PTPRM: variants seen among roughly 807,000 people sequenced by gnomAD.
PTPRM encodes receptor-type tyrosine-protein phosphatase mu.
PTPRM carries 47 observed loss-of-function variants against 186.7 expected under a neutral mutation model. That is an observed-to-expected ratio of 0.25 (90% confidence interval 0.20 to 0.32). The LOEUF (loss-of-function observed/expected upper bound fraction) is 0.32. Ranked by LOEUF, PTPRM falls within the 10% of genes least tolerant of loss-of-function variation. The pLI is 1.00. For missense variants in PTPRM, 1,494 were observed against 1,865.0 expected (o/e 0.80, Z 3.66); for synonymous variants, 668 against 674.9 (o/e 0.99, Z 0.16).
intron 7 of PTPRM, among the ~76,000 whole-genome samples, chr18:8,032,169 C>G (rs1307399798): frequency 1.3e-5 from 2 of 152,028 alleles, no homozygotes; most frequent in East Asian, 3.9e-4. Flanking sequence ...ATGTAAAAAC[C>G]AGTAACTCTG....
intron 19 of PTPRM, among the ~76,000 whole-genome samples, chr18:8,268,026 A>G (rs771765784): frequency 3.4e-4 from 51 of 152,142 alleles, no homozygotes; most frequent in Non-Finnish European, 5.9e-4. Context: ...TTCTGTAGAA[A>G]CATGTTGTTA....
At chr18:8,385,397 G>A (rs576316007) in intron 30 of PTPRM, among the ~76,000 whole-genome samples, 1 of 152,234 alleles carries the variant, frequency 6.6e-6, no homozygotes, top group South Asian at 2.1e-4. Context: ...AAGTACTGGG[G>A]TTAGAAAGTG....
intron 14 of PTPRM, among the ~76,000 whole-genome samples, chr18:8,204,441 A>G (rs189342792): frequency 1.6e-4 from 24 of 152,264 alleles, no homozygotes; most frequent in African/African-American, 5.8e-4. Context: ...AAATATAAAT[A>G]GAAGGAAGAT....
At chr18:8,198,984 C>A (rs2093816692) in intron 14 of PTPRM, among the ~76,000 whole-genome samples, 1 of 152,040 alleles carries the variant, frequency 6.6e-6, no homozygotes, top group Admixed American at 6.5e-5. Flanking sequence ...GAGGAGGAGG[C>A]TGGCCAGACC....
At chr18:8,355,387 G>A (rs1452360810) in intron 23 of PTPRM, among the ~76,000 whole-genome samples, 1 of 152,134 alleles carries the variant, frequency 6.6e-6, no homozygotes, top group Non-Finnish European at 1.5e-5. Flanking sequence ...AGGTGTTCCA[G>A]GCAGAGGCAA....
intron 1 of PTPRM, among the ~76,000 whole-genome samples, chr18:7,734,174 A>G (rs1313855514): frequency 6.6e-6 from 1 of 152,218 alleles, no homozygotes; most frequent in Non-Finnish European, 1.5e-5. Context: ...CAGAGGACAA[A>G]TGAGTAATCT....
intron 19 of PTPRM, among the ~76,000 whole-genome samples, chr18:8,282,154 CAAAT>C (rs2094910746): frequency 1.3e-5 from 2 of 151,900 alleles, no homozygotes; most frequent in Admixed American, 1.3e-4. Context: ...GTACAGATGA[CAAAT>C]AAACACATGA....
chr18:8,200,988 T>C (rs944878762), intron 14 of PTPRM, among the ~76,000 whole-genome samples: 4 of 152,196 alleles, frequency 2.6e-5, no homozygotes, highest in African/African-American at 9.6e-5. Context: ...TTAATTAATA[T>C]GATTAATAAT....
At chr18:8,294,203 G>A (rs2095070396) in intron 19 of PTPRM, among the ~76,000 whole-genome samples, 1 of 152,166 alleles carries the variant, frequency 6.6e-6, no homozygotes, top group African/African-American at 2.4e-5. Flanking sequence ...AGTGAGCTGA[G>A]ATCGTGCCAC....
At chr18:8,129,931 C>A (rs1252289026) in intron 13 of PTPRM, among the ~76,000 whole-genome samples, 1 of 152,098 alleles carries the variant, frequency 6.6e-6, no homozygotes, top group East Asian at 1.9e-4. Context: ...AAGCACAGTC[C>A]TTAGAGGAGA....
At chr18:7,632,431 T>G (rs1567994674) in intron 1 of PTPRM, among the ~76,000 whole-genome samples, 1 of 152,254 alleles carries the variant, frequency 6.6e-6, no homozygotes, top group Non-Finnish European at 1.5e-5. Flanking sequence ...AGTCTGTGTT[T>G]CTACTCTTTT....
intron 1 of PTPRM, among the ~76,000 whole-genome samples, chr18:7,653,359 C>T (rs909183176): frequency 6.6e-6 from 1 of 152,000 alleles, no homozygotes; most frequent in Non-Finnish European, 1.5e-5. Context: ...ACGTGTATAG[C>T]TTTGTTATAT....
chr18:8,024,005 A>G (rs1222026037), intron 7 of PTPRM, among the ~76,000 whole-genome samples: 1 of 152,084 alleles, frequency 6.6e-6, no homozygotes, highest in Non-Finnish European at 1.5e-5. Flanking sequence ...ATTATTATGT[A>G]CTTATTTTTT....
chr18:7,660,706 G>T (rs2038959036), intron 1 of PTPRM, among the ~76,000 whole-genome samples: 1 of 152,164 alleles, frequency 6.6e-6, no homozygotes, highest in Non-Finnish European at 1.5e-5. Context: ...ACAGCCTCCA[G>T]AGCCACAGTG....
intron 4 of PTPRM, 35 bp from the exon 5 acceptor site, chr18:7,926,533 A>G: frequency 6.6e-7 from 1 of 1,507,752 alleles, no homozygotes; most frequent in South Asian, 1.2e-5. Flanking sequence ...ACAAATCTCC[A>G]CTTTTAATAT....
At chr18:7,907,564 A>G (rs187958451) in intron 4 of PTPRM, among the ~76,000 whole-genome samples, 1 of 152,188 alleles carries the variant, frequency 6.6e-6, no homozygotes, top group African/African-American at 2.4e-5. Context: ...GGGCCTTGGC[A>G]TCTTTGGCCT....
intron 7 of PTPRM, among the ~76,000 whole-genome samples, chr18:7,999,178 T>C (rs994764896): frequency 2.6e-5 from 4 of 152,080 alleles, no homozygotes; most frequent in Admixed American, 1.3e-4. Context: ...AATGGAACAC[T>C]TGAGAGAATC....
chr18:8,020,542 C>A (rs1045220915), intron 7 of PTPRM, among the ~76,000 whole-genome samples: 1 of 152,150 alleles, frequency 6.6e-6, no homozygotes, highest in Non-Finnish European at 1.5e-5. Context: ...GATTTATAGA[C>A]CCATGAGAAT....
At chr18:8,290,371 C>T (rs1390442110) in intron 19 of PTPRM, among the ~76,000 whole-genome samples, 1 of 152,146 alleles carries the variant, frequency 6.6e-6, no homozygotes, top group Admixed American at 6.5e-5. Flanking sequence ...CCCTTTCTTT[C>T]TGGCAGCTTT....
Sources: gnomAD v4.1 joint callset for allele counts (sites outside exome capture counted in the v4.1 genomes callset) on GRCh38, gnomAD v4.1.1 for gene constraint, MANE v1.5 for transcripts, NCBI Gene and HGNC (gene_info 2026-07-23, HGNC 2026-07-21) for gene names.